The following HELZ variants were observed in gnomAD, a reference collection of about 807,000 sequenced individuals.
HELZ encodes the protein ATP-dependent RNA helicase with zinc finger domain.
In HELZ, 23 loss-of-function variants were observed where a neutral mutation model predicts 218.2. The ratio of observed to expected loss-of-function variants is 0.11; its 90% CI spans 0.08 to 0.15. HELZ has a LOEUF of 0.15. HELZ is among the 10% of genes least tolerant of loss of function. The probability of loss-of-function intolerance (pLI) is 1.00; values close to 1 mark genes in which losing one functional copy is unlikely to be tolerated. For missense variants in HELZ, 1,813 were observed against 2,353.7 expected, an observed-to-expected ratio of 0.77 and a Z score of 4.75; for synonymous variants, 814 against 829.4, an observed-to-expected ratio of 0.98 and a Z score of 0.32.
At chr17:67,196,882 T>G (rs914350433) in intron 7 of HELZ, among the ~76,000 whole-genome samples, 1 of 152,118 alleles carries the variant, frequency 6.6e-6, no homozygotes, top group African/African-American at 2.4e-5. Context: ...ATTCTCCAAA[T>G]CTTGTCCAAA....
At chr17:67,083,716 A>G (rs1167193130) in intron 32 of HELZ, among the ~76,000 whole-genome samples, 4 of 152,224 alleles carry the variant, frequency 2.6e-5, no homozygotes, top group Admixed American at 2.6e-4. Context: ...CTGCTAAAGT[A>G]TGTCTTGTCA....
intron 32 of HELZ, among the ~76,000 whole-genome samples, chr17:67,079,298 C>T (rs772423444): frequency 6.6e-6 from 1 of 152,178 alleles, no homozygotes; most frequent in Non-Finnish European, 1.5e-5. Flanking sequence ...TGGAAAATTT[C>T]AGAAAAGTCC....
intron 4 of HELZ, 151 bp downstream of exon 4, chr17:67,218,444 G>A (rs534779806): frequency 2.1e-5 from 14 of 665,140 alleles, no homozygotes; most frequent in East Asian, 1.1e-4. Context: ...GTTCAAAAAC[G>A]TAGTTACCTT....
At chr17:67,172,181 A>T (rs941840643) in intron 13 of HELZ, among the ~76,000 whole-genome samples, 2 of 152,014 alleles carry the variant, frequency 1.3e-5, no homozygotes, top group African/African-American at 2.4e-5. Flanking sequence ...TCAAAGTTCA[A>T]CTTACATTCC....
In HELZ at chr17:67,109,453, C is replaced by T; in HGVS notation, c.4152G>A (p.Gln1384=). 6.2e-7 allele frequency: 1 copy of T among 1,614,118 alleles called. No homozygotes were observed. The highest frequency in any genetic ancestry group is 8.5e-7 in the Non-Finnish European group (1 of 1,180,036). Residue 1384 remains glutamine, a synonymous_variant, in exon 29 of 33, where the codon CAG becomes CAA. Coordinates refer to ENST00000358691, the MANE Select transcript of HELZ (RefSeq NM_014877.4). ...PQQHTLLNQQ[Q]NNLPEQPNQI... The stretch of plus-strand genomic sequence containing the variant: ...GATTTGGTTGTTCAGGCAAATTATT[C>T]TGCTGCTGATTTAACAAGGTGTGCT...
At chr17:67,211,643 T>C (rs2040453621) in intron 5 of HELZ, among the ~76,000 whole-genome samples, 1 of 152,110 alleles carries the variant, frequency 6.6e-6, no homozygotes, top group African/African-American at 2.4e-5. Flanking sequence ...GGTGGACCAC[T>C]TGAGGTCAGG....
At chr17:67,128,183 A>C (rs1265426374) in intron 24 of HELZ, among the ~76,000 whole-genome samples, 1 of 152,234 alleles carries the variant, frequency 6.6e-6, no homozygotes, top group East Asian at 1.9e-4. Flanking sequence ...GAAGTCAGCC[A>C]AATTTTTTTA....
intron 32 of HELZ, among the ~76,000 whole-genome samples, chr17:67,079,859 T>C (rs1382899174): frequency 6.6e-6 from 1 of 152,242 alleles, no homozygotes; most frequent in Non-Finnish European, 1.5e-5. Flanking sequence ...CATTATTCTA[T>C]TGGACATACT....
chr17:67,173,034 CAT>C, intron 13 of HELZ: 1 of 982,036 alleles, frequency 1.0e-6, no homozygotes, highest in Non-Finnish European at 1.2e-6. Flanking sequence ...CCTCTTGTGA[CAT>C]TGGTTGTGTC....
chr17:67,150,319 T>G (rs138265996), intron 18 of HELZ, among the ~76,000 whole-genome samples: 3 of 151,786 alleles, frequency 2.0e-5, no homozygotes, highest in Admixed American at 2.0e-4. Flanking sequence ...TTTGTAGAGA[T>G]AAGGTTTCAC....
In HELZ at chr17:67,145,682, T is replaced by G; in HGVS notation, c.2769+61A>C. 4 of 1,395,490 alleles carry G rather than the reference T, an allele frequency of 2.9e-6. No individual in the cohort carries two copies. The South Asian group carries it at 5.0e-5, about 17-fold the overall frequency. 86.4% of individuals were successfully genotyped at this position (1,395,490 alleles called of 1,614,324 possible). Reference sequence around the variant, plus strand: ...CAACCCAAAACTTTAAATAAATGCTTAACAAAACTAGACGATGTGACTGAG... The same window carrying G: ...CAACCCAAAACTTTAAATAAATGCTGAACAAAACTAGACGATGTGACTGAG... On this transcript the variant is annotated intron_variant, in intron 21 of 32. Coordinates refer to ENST00000358691, the MANE Select transcript of HELZ (RefSeq NM_014877.4).
chr17:67,145,517 T>C (rs893559492), intron 21 of HELZ, among the ~76,000 whole-genome samples: 6 of 152,220 alleles, frequency 3.9e-5, no homozygotes, highest in Admixed American at 2.6e-4. Flanking sequence ...ATCATGTATT[T>C]TGTCTTACCA....
Position 67,188,259 on chromosome 17 carries a change from C to T in HELZ, c.1162+60G>A, listed in dbSNP as rs957020417. The T allele has an allele frequency of 1.4e-6, 2 of 1,460,314 alleles. No homozygotes were observed. The highest frequency in any genetic ancestry group is 1.9e-5 in the Admixed American group (1 of 53,326). The allele number at this position is 1,460,314 out of a possible 1,614,324, so 90.5% of individuals were successfully genotyped here. On this transcript the variant is annotated intron_variant, in intron 12 of 32. Coordinates refer to ENST00000358691, the MANE Select transcript of HELZ (RefSeq NM_014877.4). The surrounding 1 kb of genome is among the most constrained non-coding windows in gnomAD (Gnocchi z 4.1). Reference sequence around the variant, plus strand: ...CATGGAATATATTCAGGGGCCAATACATATCTTTGAATGTTGCTTTTTAAC... The same window carrying T: ...CATGGAATATATTCAGGGGCCAATATATATCTTTGAATGTTGCTTTTTAAC...
At chr17:67,215,134 ACT>A (rs1195844522) in intron 5 of HELZ, among the ~76,000 whole-genome samples, 2 of 151,580 alleles carry the variant, frequency 1.3e-5, no homozygotes, top group Non-Finnish European at 2.9e-5. Context: ...ACAGAGCAAG[ACT>A]CTGTCTCAGA....
chr17:67,102,900 A>G (rs979037367), intron 31 of HELZ, among the ~76,000 whole-genome samples: 1 of 152,212 alleles, frequency 6.6e-6, no homozygotes, highest in Admixed American at 6.5e-5. Context: ...ACAAACAAAG[A>G]TAACAGAAAT....
Position 67,091,972 on chromosome 17 carries a change from G to C in HELZ, c.5242-4891C>G, listed in dbSNP as rs112808408. ...ACAGTTCCCTAGAGAGAAAAAACTA[G>C]ATGGAGCAAGGAGAGGACTATCACT... On this transcript the variant is annotated intron_variant, in intron 31 of 32. Coordinates refer to ENST00000358691, the MANE Select transcript of HELZ (RefSeq NM_014877.4). Among the ~76,000 whole-genome samples the C allele has an allele frequency of 6.6e-3, 1,009 of 152,210 alleles. 10 individuals are homozygous for C. Among genetic ancestry groups the C allele is most frequent in the African/African-American group, 0.023 (963 of 41,520 alleles).
intron 3 of HELZ, among the ~76,000 whole-genome samples, chr17:67,222,999 G>GCCT (rs1302504342): frequency 6.6e-6 from 1 of 151,228 alleles, no homozygotes; most frequent in Non-Finnish European, 1.5e-5. Context: ...TGTAATCCCA[G>GCCT]CACTTTGGGA....
intron 5 of HELZ, among the ~76,000 whole-genome samples, chr17:67,210,295 C>T (rs2040417705): frequency 6.6e-6 from 1 of 152,176 alleles, no homozygotes; most frequent in Admixed American, 6.5e-5. Context: ...AGAGAGAGTA[C>T]AGAAGTTTCA....
rs573937343 is a variant in HELZ, at chr17:67,104,850, G to C, written c.5241+2319C>G. ...CAAAACTACAGTGAGGGCTGGGCGC[G>C]GTGGCTTACGCCTGTAATCCCAGCA... On this transcript the variant is annotated intron_variant, in intron 31 of 32. Coordinates refer to ENST00000358691, the MANE Select transcript of HELZ (RefSeq NM_014877.4). Among the ~76,000 whole-genome samples, 5 of 152,288 alleles carry C rather than the reference G, an allele frequency of 3.3e-5. No homozygotes were observed. The South Asian group carries it at 1.0e-3, about 32-fold the overall frequency.
Sources: gnomAD v4.1 joint callset for allele counts (sites outside exome capture counted in the v4.1 genomes callset) on GRCh38, gnomAD v4.1.1 for gene constraint, Gnocchi (gnomAD v3.1) non-coding constraint, MANE v1.5 for transcripts, NCBI Gene and HGNC (gene_info 2026-07-23, HGNC 2026-07-21) for gene names.